Variants in FBXL7 observed in about 807,000 individuals in gnomAD.
FBXL7 encodes F-box and leucine rich repeat protein 7.
In FBXL7, 12 loss-of-function variants were observed where a neutral mutation model predicts 38.3. The observed-to-expected ratio is 0.31, with a 90% CI of 0.20 to 0.51. The LOEUF is 0.51. Ranked by LOEUF, FBXL7 falls within the 20% of genes least tolerant of loss-of-function variation. The probability of loss-of-function intolerance (pLI) is 0.98; values close to 1 mark genes in which losing one functional copy is unlikely to be tolerated. For missense variants in FBXL7, 567 were observed against 676.4 expected (o/e 0.84, Z 1.79); for synonymous variants, 297 against 300.9 (o/e 0.99, Z 0.13).
At chr5:15,673,332 GA>G (rs896501088) in intron 2 of FBXL7, among the ~76,000 whole-genome samples, 1 of 151,182 alleles carries the variant, frequency 6.6e-6, no homozygotes, top group Non-Finnish European at 1.5e-5. Context: ...AAAAAAAAAA[GA>G]AAAAAAACCA....
At chr5:15,882,294 A>C (rs1361544511) in intron 2 of FBXL7, among the ~76,000 whole-genome samples, 1 of 152,160 alleles carries the variant, frequency 6.6e-6, no homozygotes, top group East Asian at 1.9e-4. Flanking sequence ...CACCGGATAT[A>C]CTGAATGTAA....
At chr5:15,645,647 A>G (rs1036259036) in intron 2 of FBXL7, among the ~76,000 whole-genome samples, 1 of 152,156 alleles carries the variant, frequency 6.6e-6, no homozygotes, top group East Asian at 1.9e-4. Flanking sequence ...AAACTTTCTG[A>G]ATTAACTGAG....
At chr5:15,931,878 C>A (rs1742045808) in intron 3 of FBXL7, among the ~76,000 whole-genome samples, 1 of 152,168 alleles carries the variant, frequency 6.6e-6, no homozygotes, top group Non-Finnish European at 1.5e-5. Context: ...AGTGAAGCAT[C>A]CCCTGAATGT....
chr5:15,535,531 G>T (rs1379685108), intron 1 of FBXL7, among the ~76,000 whole-genome samples: 1 of 152,204 alleles, frequency 6.6e-6, no homozygotes, highest in Non-Finnish European at 1.5e-5. Context: ...AAAGAGACTG[G>T]CAGCATTTTG....
At chr5:15,884,701 G>T (rs1740605598) in intron 2 of FBXL7, among the ~76,000 whole-genome samples, 1 of 152,184 alleles carries the variant, frequency 6.6e-6, no homozygotes, top group Non-Finnish European at 1.5e-5. Flanking sequence ...AGAAAACACA[G>T]CTTTCTAAGC....
chr5:15,830,485 AACACACACACACAC>A (rs57825713), intron 2 of FBXL7, among the ~76,000 whole-genome samples: 15 of 144,192 alleles, frequency 1.0e-4, no homozygotes, highest in African/African-American at 2.8e-4. Context: ...CTCCATCTAA[AACACACACACACAC>A]ACACACACAC....
At chr5:15,919,445 A>C (rs578173413) in intron 2 of FBXL7, among the ~76,000 whole-genome samples, 55 of 152,314 alleles carry the variant, frequency 3.6e-4, no homozygotes, top group African/African-American at 1.2e-3. Context: ...TTTTCCCCAG[A>C]AAAAGACAGC....
intron 2 of FBXL7, among the ~76,000 whole-genome samples, chr5:15,628,425 G>T (rs1380964235): frequency 6.6e-6 from 1 of 152,164 alleles, no homozygotes; most frequent in Non-Finnish European, 1.5e-5. Flanking sequence ...GGCCCATAAG[G>T]TGACATGTTC....
chr5:15,648,022 A>G (rs1267546525), intron 2 of FBXL7, among the ~76,000 whole-genome samples: 1 of 152,216 alleles, frequency 6.6e-6, no homozygotes, highest in East Asian at 1.9e-4. Context: ...GACACCTTAT[A>G]AACACTTGCC....
chr5:15,589,111 C>A (rs1337400276), intron 1 of FBXL7, among the ~76,000 whole-genome samples: 1 of 152,208 alleles, frequency 6.6e-6, no homozygotes, highest in Non-Finnish European at 1.5e-5. Context: ...TAGCGAGAAA[C>A]TCCATGCTCC....
rs533314704 is a variant in FBXL7, at chr5:15,548,013, C to T, written c.37+47300C>T. 5.3e-5 allele frequency among the ~76,000 whole-genome samples: 8 copies of T among 152,234 alleles called. No homozygotes were observed. The South Asian group carries it at 1.7e-3, about 32-fold the overall frequency. Reference sequence around the variant, plus strand: ...CCAGAAAGGATGTAGGTGGCAGATCCTGAAATTGGGAAACATCCTCCACTG... The same window carrying T: ...CCAGAAAGGATGTAGGTGGCAGATCTTGAAATTGGGAAACATCCTCCACTG... On this transcript the variant is annotated intron_variant, in intron 1 of 3. Coordinates refer to ENST00000504595, the MANE Select transcript of FBXL7 (RefSeq NM_012304.5).
intron 2 of FBXL7, among the ~76,000 whole-genome samples, chr5:15,862,804 G>C (rs1739531213): frequency 6.6e-6 from 1 of 152,208 alleles, no homozygotes; most frequent in Admixed American, 6.5e-5. Context: ...ATGTGCAGCA[G>C]AAAGGAACCT....
Position 15,500,521 on chromosome 5 carries a change from G to C in FBXL7, c.-156G>C. 1.0e-6 allele frequency: 1 copy of C among 988,036 alleles called. No homozygotes were observed. Among genetic ancestry groups the C allele is most frequent in the Non-Finnish European group, 1.6e-6 (1 of 617,106 alleles). The allele number at this position is 988,036 out of a possible 1,614,324, so 61.2% of individuals were successfully genotyped here. The stretch of plus-strand genomic sequence containing the variant: ...GGACGCAGCACCCCCTCCCACTGGA[G>C]TGCGGGGACCTCTCCAGGCCGGAGG... On this transcript the variant is annotated 5_prime_UTR_variant, in exon 1 of 4. Coordinates refer to ENST00000504595, the MANE Select transcript of FBXL7 (RefSeq NM_012304.5).
At chr5:15,883,135 C>T (rs1740529466) in intron 2 of FBXL7, among the ~76,000 whole-genome samples, 3 of 152,000 alleles carry the variant, frequency 2.0e-5, no homozygotes, top group African/African-American at 7.2e-5. Context: ...TTATTGTGTA[C>T]CCTTCAAGCA....
chr5:15,749,168 C>G (rs1233493633), intron 2 of FBXL7, among the ~76,000 whole-genome samples: 1 of 147,092 alleles, frequency 6.8e-6, no homozygotes, highest in Non-Finnish European at 1.5e-5. Context: ...TTGCTTGAGC[C>G]CAGGAGACAG....
At chr5:15,843,634 G>A (rs1738809407) in intron 2 of FBXL7, among the ~76,000 whole-genome samples, 1 of 152,102 alleles carries the variant, frequency 6.6e-6, no homozygotes, top group Admixed American at 6.5e-5. Context: ...CAGTTTAAAA[G>A]AGGACTTTAA....
intron 2 of FBXL7, among the ~76,000 whole-genome samples, chr5:15,810,561 CAAA>C (rs35254262): frequency 4.4e-5 from 6 of 135,708 alleles, no homozygotes; most frequent in Non-Finnish European, 7.8e-5. Flanking sequence ...AACTCCGTCT[CAAA>C]AAAAAAAAAA....
At chr5:15,553,810 A>C (rs1738155307) in intron 1 of FBXL7, among the ~76,000 whole-genome samples, 1 of 152,100 alleles carries the variant, frequency 6.6e-6, no homozygotes, top group Non-Finnish European at 1.5e-5. Flanking sequence ...AAGACGAAAA[A>C]TCTCTCAGTC....
At chr5:15,891,239 G>C (rs1740890706) in intron 2 of FBXL7, among the ~76,000 whole-genome samples, 1 of 152,176 alleles carries the variant, frequency 6.6e-6, no homozygotes, top group Non-Finnish European at 1.5e-5. Flanking sequence ...TCTTGCTCAA[G>C]TCAGAGATGT....
Sources: gnomAD v4.1 joint callset for allele counts (sites outside exome capture counted in the v4.1 genomes callset) on GRCh38, gnomAD v4.1.1 for gene constraint, MANE v1.5 for transcripts, NCBI Gene and HGNC (gene_info 2026-07-23, HGNC 2026-07-21) for gene names.